SEMA3E: variants seen among roughly 807,000 people sequenced by gnomAD.
SEMA3E encodes the protein semaphorin 3E.
In SEMA3E, 49 loss-of-function variants were observed where a neutral mutation model predicts 93.6. That is an observed-to-expected ratio of 0.52 (90% CI 0.42 to 0.66). The LOEUF (loss-of-function observed/expected upper bound fraction) is 0.66. Ranked by LOEUF, SEMA3E falls within the 30% of genes least tolerant of loss-of-function variation. SEMA3E has a pLI of 0.00. For synonymous variants in SEMA3E, 363 were observed against 330.7 expected (o/e 1.10, Z -1.06); for missense variants, 906 against 964.8 (o/e 0.94, Z 0.81).
intron 4 of SEMA3E, among the ~76,000 whole-genome samples, chr7:83,451,642 T>C (rs564426170): frequency 1.2e-4 from 18 of 152,360 alleles, no homozygotes; most frequent in Non-Finnish European, 2.6e-4. Context: ...GTGCATTGTG[T>C]GCTTGACAGA....
intron 1 of SEMA3E, among the ~76,000 whole-genome samples, chr7:83,518,930 C>G (rs1230510713): frequency 6.6e-6 from 1 of 151,820 alleles, no homozygotes; most frequent in South Asian, 2.1e-4. Flanking sequence ...AATTTCTTTT[C>G]TTTTTTACTT....
chr7:83,592,112 T>A (rs1011588137), intron 1 of SEMA3E, among the ~76,000 whole-genome samples: 1 of 152,050 alleles, frequency 6.6e-6, no homozygotes, highest in Non-Finnish European at 1.5e-5. Flanking sequence ...TTATGGAGAG[T>A]ATAATGAAAA....
chr7:83,426,351 TAAAGAAA>T (rs894925360), intron 4 of SEMA3E, among the ~76,000 whole-genome samples: 1 of 152,008 alleles, frequency 6.6e-6, no homozygotes, highest in African/African-American at 2.4e-5. Flanking sequence ...GTGGATTGGA[TAAAGAAA>T]ATGTGATACA....
intron 1 of SEMA3E, among the ~76,000 whole-genome samples, chr7:83,586,495 T>C (rs568583450): frequency 1.3e-3 from 193 of 152,068 alleles, no homozygotes; most frequent in Middle Eastern, 6.8e-3. Flanking sequence ...AGATCTCAGA[T>C]GGGTCTGGGA....
intron 4 of SEMA3E, among the ~76,000 whole-genome samples, 188 bp from the exon 5 acceptor site, chr7:83,418,671 A>G (rs911523256): frequency 6.6e-6 from 1 of 152,190 alleles, no homozygotes; most frequent in Admixed American, 6.5e-5. Context: ...CAGACCCATA[A>G]GAGTTCTCTC....
rs80279872 is a variant in SEMA3E, at chr7:83,363,477, G to T, written c.*4109C>A. ...CAAGCAAATAAAAGGATACCATACA[G>T]AGAAGAACACTCCCATATAGTGCTC... On this transcript the variant is annotated 3_prime_UTR_variant, in exon 17 of 17. Transcript: ENST00000643230. 0.025 allele frequency: 3,868 copies of T among 152,078 alleles called. 53 individuals are homozygous for T. The highest frequency in any genetic ancestry group is 0.037 in the Non-Finnish European group (2,527 of 68,004). The allele number at this position is 152,078 out of a possible 1,614,324, so 9.4% of individuals were successfully genotyped here.
At chr7:83,629,925 C>A (rs540819171) in intron 1 of SEMA3E, among the ~76,000 whole-genome samples, 1 of 152,140 alleles carries the variant, frequency 6.6e-6, no homozygotes, top group Admixed American at 6.6e-5. Context: ...AGTGCAGGCA[C>A]CCGAGGGAAT....
chr7:83,518,413 C>T (rs561230362), intron 1 of SEMA3E, among the ~76,000 whole-genome samples: 143 of 151,558 alleles, frequency 9.4e-4, no homozygotes, highest in African/African-American at 3.2e-3. Context: ...AGAAAGGTGG[C>T]GGGACATATA....
chr7:83,430,412 C>T (rs1003823306), intron 4 of SEMA3E, among the ~76,000 whole-genome samples: 16 of 151,776 alleles, frequency 1.1e-4, no homozygotes, highest in Non-Finnish European at 2.1e-4. Context: ...TTACAGTGAG[C>T]CAAAATCCCG....
chr7:83,435,930 A>G (rs1203964058), intron 4 of SEMA3E, among the ~76,000 whole-genome samples: 1 of 152,086 alleles, frequency 6.6e-6, no homozygotes, highest in Non-Finnish European at 1.5e-5. Context: ...GTCTATCATA[A>G]AGTCAATATT....
intron 1 of SEMA3E, among the ~76,000 whole-genome samples, chr7:83,541,659 AG>A (rs1455632398): frequency 9.9e-5 from 15 of 152,120 alleles, no homozygotes; most frequent in African/African-American, 3.6e-4. Flanking sequence ...TTAAGCAGAT[AG>A]AAGAACTTTG....
chr7:83,426,210 C>A (rs911325703), intron 4 of SEMA3E, among the ~76,000 whole-genome samples: 2 of 152,160 alleles, frequency 1.3e-5, no homozygotes, highest in African/African-American at 4.8e-5. Flanking sequence ...TTCAACCCAG[C>A]AATCCCGTTA....
chr7:83,497,651 G>A (rs190349512), intron 1 of SEMA3E, among the ~76,000 whole-genome samples: 37 of 152,296 alleles, frequency 2.4e-4, no homozygotes, highest in South Asian at 1.0e-3. Context: ...AAACAGATTC[G>A]TAAAGAAATA....
At chr7:83,638,972 G>A (rs1158418681) in intron 1 of SEMA3E, among the ~76,000 whole-genome samples, 1 of 150,394 alleles carries the variant, frequency 6.6e-6, no homozygotes, top group Non-Finnish European at 1.5e-5. Context: ...TTAGCCGGGC[G>A]TAGTGGCGGG....
intron 4 of SEMA3E, among the ~76,000 whole-genome samples, chr7:83,438,455 A>G (rs1453452701): frequency 1.3e-5 from 2 of 152,146 alleles, no homozygotes. Context: ...AATTTCAATC[A>G]CTTAATAAAA....
intron 1 of SEMA3E, chr7:83,641,285 A>AATGCCTACT (rs1342902529): frequency 5.5e-6 from 3 of 547,734 alleles, no homozygotes; most frequent in Non-Finnish European, 7.0e-6. Context: ...GCACTTGTTG[A>AATGCCTACT]ATGCCTACTA....
rs780529361 is a variant in SEMA3E at position 83,367,943 on chromosome 7, T to C, written c.1971A>G (p.Val657=). Residue 657 remains valine (V), a synonymous_variant, in exon 17 of 17, where the codon GTA becomes GTG. Transcript: ENST00000643230. ...SDAGTYFCQT[V]EHSFVHTVRK... ...GGACCGTATGGACAAAGCTATGCTC[T>C]ACTGTCTGGCAAAAATAGGTCCCAG... is the stretch of plus-strand genomic sequence containing the variant. 4 of 1,613,460 alleles carry C rather than the reference T, an allele frequency of 2.5e-6. No homozygotes were observed. The highest frequency in any genetic ancestry group is 2.5e-6 in the Non-Finnish European group (3 of 1,179,720).
intron 1 of SEMA3E, among the ~76,000 whole-genome samples, chr7:83,534,279 G>A (rs907386133): frequency 6.6e-6 from 1 of 152,072 alleles, no homozygotes; most frequent in Non-Finnish European, 1.5e-5. Flanking sequence ...TGGGAGCAAG[G>A]CTCAGGCATT....
intron 1 of SEMA3E, among the ~76,000 whole-genome samples, chr7:83,490,597 A>G (rs1790363323): frequency 6.6e-6 from 1 of 152,056 alleles, no homozygotes; most frequent in Non-Finnish European, 1.5e-5. Flanking sequence ...ATGGTTCCAA[A>G]TCTACATTAA....
Sources: allele counts gnomAD v4.1 joint callset (sites outside exome capture counted in the v4.1 genomes callset), GRCh38; gene constraint gnomAD v4.1.1; transcripts MANE v1.5; gene names NCBI Gene and HGNC (gene_info 2026-07-23, HGNC 2026-07-21).